The following NYAP2 variants were observed in gnomAD, a reference collection of about 807,000 sequenced individuals.
NYAP2 encodes neuronal tyrosine-phosphorylated phosphoinositide-3-kinase adapter 2.
Under a neutral mutation model 50.4 loss-of-function variants are expected in NYAP2, and 23 were observed. The observed-to-expected ratio is 0.46, with a 90% CI of 0.33 to 0.65. The LOEUF is 0.65. Ranked by LOEUF, NYAP2 falls within the 30% of genes least tolerant of loss-of-function variation. The pLI, the probability that NYAP2 is intolerant of heterozygous loss-of-function variation, is 0.02. For missense variants in NYAP2, 885 were observed against 861.0 expected (o/e 1.03, Z -0.35); for synonymous variants, 394 against 365.2 (o/e 1.08, Z -0.90).
chr2:225,514,928 C>A (rs1175137670), intron 4 of NYAP2, among the ~76,000 whole-genome samples: 1 of 152,138 alleles, frequency 6.6e-6, no homozygotes, highest in Non-Finnish European at 1.5e-5. Context: ...GTGACATGGG[C>A]TCCCTAGTCC....
intron 3 of NYAP2, among the ~76,000 whole-genome samples, chr2:225,496,358 G>A (rs1033805801): frequency 6.6e-6 from 1 of 152,126 alleles, no homozygotes; most frequent in African/African-American, 2.4e-5. Context: ...TGTGTGGCCA[G>A]GGAATATGTG....
chr2:225,686,394 G>T, the NYAP2 span, among the ~76,000 whole-genome samples: 1 of 152,140 alleles, frequency 6.6e-6, no homozygotes, highest in African/African-American at 2.4e-5. Flanking sequence ...ACCATTCCTG[G>T]CCTTTTTCAC....
At chr2:225,659,214 G>T in the NYAP2 span, among the ~76,000 whole-genome samples, 1 of 152,166 alleles carries the variant, frequency 6.6e-6, no homozygotes, top group South Asian at 2.1e-4. Flanking sequence ...CCTCTCTTCA[G>T]CATCCGAGGT....
chr2:225,611,579 G>A (rs948287567), intron 5 of NYAP2, among the ~76,000 whole-genome samples: 2 of 151,622 alleles, frequency 1.3e-5, no homozygotes, highest in African/African-American at 4.9e-5. Flanking sequence ...CACTAATCAA[G>A]ATTTCTCGAC....
At chr2:225,649,947 C>T (rs1301246605) in intron 6 of NYAP2, among the ~76,000 whole-genome samples, 2 of 152,102 alleles carry the variant, frequency 1.3e-5, no homozygotes, top group Non-Finnish European at 2.9e-5. Flanking sequence ...TATTGTTTTC[C>T]TCTAAATCAG....
At chr2:225,442,269 T>C (rs937500671) in intron 3 of NYAP2, among the ~76,000 whole-genome samples, 5 of 152,144 alleles carry the variant, frequency 3.3e-5, no homozygotes, top group African/African-American at 7.2e-5. Flanking sequence ...GCAGGTCCTG[T>C]TTAAGCACTG....
At chr2:225,530,014 G>C (rs1691226344) in intron 4 of NYAP2, among the ~76,000 whole-genome samples, 1 of 152,068 alleles carries the variant, frequency 6.6e-6, no homozygotes, top group African/African-American at 2.4e-5. Context: ...GCCTCAGTCA[G>C]TATTTTTTTA....
chr2:225,511,388 AG>A (rs1690815905), intron 3 of NYAP2, among the ~76,000 whole-genome samples: 3 of 151,418 alleles, frequency 2.0e-5, no homozygotes, highest in African/African-American at 7.3e-5. Context: ...AGAGAGAGAG[AG>A]AGAGGATAAA....
chr2:225,601,375 C>T (rs998425757), intron 5 of NYAP2, among the ~76,000 whole-genome samples: 5 of 152,034 alleles, frequency 3.3e-5, no homozygotes, highest in African/African-American at 9.7e-5. Flanking sequence ...CTCTTGACCT[C>T]GTGATCCATC....
rs79523611 is a variant in NYAP2 at position 225,629,189 on chromosome 2, C to A, written c.1828+2063C>A. Among the ~76,000 whole-genome samples the A allele has an allele frequency of 8.0e-3, 1,218 of 152,260 alleles. 19 individuals carry two copies. Among genetic ancestry groups the A allele is most frequent in the African/African-American group, 0.028 (1,155 of 41,546 alleles). On this transcript the variant is annotated intron_variant, in intron 6 of 6. Coordinates refer to ENST00000636099, the Ensembl canonical transcript of NYAP2. Reference sequence around the variant, plus strand: ...TTAAGTCCCAATCTGAGTCAAAAATCCCAAAAGCTAGAATGCAGATGTCCA... The same window carrying A: ...TTAAGTCCCAATCTGAGTCAAAAATACCAAAAGCTAGAATGCAGATGTCCA...
At chr2:225,471,887 A>G (rs1690016485) in intron 3 of NYAP2, among the ~76,000 whole-genome samples, 1 of 152,200 alleles carries the variant, frequency 6.6e-6, no homozygotes, top group Admixed American at 6.5e-5. Context: ...TATGCAGCAA[A>G]CCTATCAGAC....
At chr2:225,569,349 G>A (rs1692023933) in intron 4 of NYAP2, among the ~76,000 whole-genome samples, 1 of 152,156 alleles carries the variant, frequency 6.6e-6, no homozygotes, top group Admixed American at 6.5e-5. Context: ...TTCTTTGGTA[G>A]GTCTGGGCTT....
chr2:225,409,136 A>C (rs1347882371), intron 3 of NYAP2, 35 bp downstream of exon 3: 1 of 1,470,562 alleles, frequency 6.8e-7, no homozygotes, highest in Non-Finnish European at 9.2e-7. Flanking sequence ...AGTTTTGTGC[A>C]CATGAGAAAG....
At chr2:225,592,129 G>T (rs1176569894) in intron 5 of NYAP2, among the ~76,000 whole-genome samples, 1 of 152,164 alleles carries the variant, frequency 6.6e-6, no homozygotes, top group Non-Finnish European at 1.5e-5. Context: ...TTGCTAAAAA[G>T]ATATGGGTAC....
At chr2:225,416,145 A>G (rs534378848) in intron 3 of NYAP2, among the ~76,000 whole-genome samples, 1 of 152,246 alleles carries the variant, frequency 6.6e-6, no homozygotes, top group East Asian at 1.9e-4. Flanking sequence ...CTTTTCTATT[A>G]ATCATTTCAG....
intron 5 of NYAP2, among the ~76,000 whole-genome samples, chr2:225,589,485 C>T (rs1266195817): frequency 2.3e-5 from 3 of 130,536 alleles, no homozygotes; most frequent in Non-Finnish European, 4.9e-5. Flanking sequence ...GCCTGGGCAA[C>T]ATACTAAGAC....
intron 3 of NYAP2, among the ~76,000 whole-genome samples, chr2:225,490,407 T>C (rs1690383639): frequency 1.3e-5 from 2 of 152,190 alleles, no homozygotes; most frequent in South Asian, 4.1e-4. Context: ...GGCATCTTCA[T>C]GAAGGATGCT....
At chr2:225,537,481 A>T (rs1691372268) in intron 4 of NYAP2, among the ~76,000 whole-genome samples, 1 of 152,176 alleles carries the variant, frequency 6.6e-6, no homozygotes. Context: ...GTGGCAGATA[A>T]GACAAGAGAG....
intron 2 of NYAP2, among the ~76,000 whole-genome samples, chr2:225,407,440 A>G (rs1426941910): frequency 6.6e-6 from 1 of 151,980 alleles, no homozygotes; most frequent in Non-Finnish European, 1.5e-5. Context: ...AGTTTCAATA[A>G]TTTCTTAGAT....
Sources: allele counts gnomAD v4.1 joint callset (sites outside exome capture counted in the v4.1 genomes callset), GRCh38; gene constraint gnomAD v4.1.1; transcripts MANE v1.5; gene names NCBI Gene and HGNC (gene_info 2026-07-23, HGNC 2026-07-21).